The following PTPRT variants were observed in gnomAD, a reference collection of about 807,000 sequenced individuals.
PTPRT encodes protein tyrosine phosphatase receptor type T.
Under a neutral mutation model 176.8 loss-of-function variants are expected in PTPRT, and 56 were observed. The observed-to-expected ratio is 0.32, with a 90% CI of 0.26 to 0.40. PTPRT has a LOEUF of 0.40. Ranked by LOEUF, PTPRT falls within the 10% of genes least tolerant of loss-of-function variation. PTPRT has a pLI of 1.00. For synonymous variants in PTPRT, 783 were observed against 739.0 expected, an observed-to-expected ratio of 1.06 and a Z score of -0.96; for missense variants, 1,540 against 1,908.2, an observed-to-expected ratio of 0.81 and a Z score of 3.60.
At chr20:42,212,430 A>G (rs1426355730) in intron 15 of PTPRT, among the ~76,000 whole-genome samples, 2 of 151,500 alleles carry the variant, frequency 1.3e-5, no homozygotes, top group South Asian at 2.1e-4. Flanking sequence ...AAAAAAAAAA[A>G]AAAAAAAGAA....
intron 12 of PTPRT, among the ~76,000 whole-genome samples, chr20:42,297,797 T>C (rs2057409709): frequency 6.6e-6 from 1 of 152,168 alleles, no homozygotes; most frequent in African/African-American, 2.4e-5. Flanking sequence ...TACATGTTGC[T>C]AAGACAACTA....
chr20:42,700,384 G>A (rs749239023), intron 6 of PTPRT, among the ~76,000 whole-genome samples: 2 of 152,006 alleles, frequency 1.3e-5, no homozygotes, highest in Non-Finnish European at 2.9e-5. Flanking sequence ...CAAGCTGTGT[G>A]GTATAAAAGG....
intron 7 of PTPRT, among the ~76,000 whole-genome samples, chr20:42,640,875 C>G (rs547400793): frequency 6.6e-6 from 1 of 152,084 alleles, no homozygotes; most frequent in East Asian, 1.9e-4. Flanking sequence ...GATTGTTCCT[C>G]GGGCCCCACC....
intron 15 of PTPRT, among the ~76,000 whole-genome samples, chr20:42,200,575 T>C (rs1991409014): frequency 6.6e-6 from 1 of 152,228 alleles, no homozygotes; most frequent in African/African-American, 2.4e-5. Context: ...TTCTTTTCTA[T>C]GGATTTAAAA....
intron 13 of PTPRT, chr20:42,270,445 C>T (rs2056914556): frequency 3.9e-6 from 6 of 1,551,168 alleles, no homozygotes; most frequent in African/African-American, 1.4e-5. Flanking sequence ...TGGGCGCTGC[C>T]CATTGGTGCT....
chr20:42,483,436 A>G (rs944765294), intron 7 of PTPRT, among the ~76,000 whole-genome samples: 2 of 152,212 alleles, frequency 1.3e-5, no homozygotes, highest in Non-Finnish European at 2.9e-5. Context: ...AATAACTGGG[A>G]TTACAGGTAT....
chr20:42,903,983 A>G (rs2079441674), intron 1 of PTPRT, among the ~76,000 whole-genome samples: 1 of 152,170 alleles, frequency 6.6e-6, no homozygotes, highest in Non-Finnish European at 1.5e-5. Context: ...CTCTCCTAGC[A>G]ATTACAGGAA....
chr20:42,977,987 T>A (rs1023531860), intron 1 of PTPRT, among the ~76,000 whole-genome samples: 1 of 152,082 alleles, frequency 6.6e-6, no homozygotes, highest in Non-Finnish European at 1.5e-5. Flanking sequence ...GTACCCAACC[T>A]TATACATACT....
At chr20:42,858,588 T>C (rs547385657) in intron 2 of PTPRT, among the ~76,000 whole-genome samples, 2 of 152,296 alleles carry the variant, frequency 1.3e-5, no homozygotes, top group South Asian at 4.1e-4. Context: ...TTCCATCACA[T>C]GAGGACACAA....
rs1051281070 is a variant in PTPRT, at chr20:42,075,820, A to G, written c.*5059T>C. On this transcript the variant is annotated 3_prime_UTR_variant, in exon 31 of 31. Transcript: ENST00000373187. ...AATGGGGAGTGGAGGATGAATAAAC[A>G]TGATGGGTCAGAGGGAAATGCATCA... 4.4e-5 allele frequency: 9 copies of G among 204,358 alleles called. No homozygotes were observed. Among genetic ancestry groups the G allele is most frequent in the Non-Finnish European group, 9.0e-5 (9 of 99,704 alleles). The allele number at this position is 204,358 out of a possible 1,614,324, so 12.7% of individuals were successfully genotyped here. A position where few individuals can be genotyped will look rare whatever the true frequency, so the allele number is the denominator to read the frequency against.
chr20:42,226,420 G>A lies in PTPRT; in HGVS notation c.2342+9809C>T, dbSNP rs117100209. Among the ~76,000 whole-genome samples, 465 of 152,254 alleles carry A rather than the reference G, an allele frequency of 3.1e-3. 2 individuals carry two copies. Among genetic ancestry groups the A allele is most frequent in the Non-Finnish European group, 4.9e-3 (330 of 68,010 alleles). ...AGTCATCTATCTAATAATGACTTCC[G>A]AAATACCTCCAAGCTTAACTAGACA... On this transcript the variant is annotated intron_variant, in intron 15 of 30. Coordinates refer to ENST00000373187, the MANE Select transcript of PTPRT (RefSeq NM_007050.6).
chr20:43,160,019 A>G (rs1011027465), intron 1 of PTPRT, among the ~76,000 whole-genome samples: 6 of 151,908 alleles, frequency 3.9e-5, no homozygotes, highest in African/African-American at 1.5e-4. Context: ...AAAAAAAAGA[A>G]AGAAAAAGAA....
intron 17 of PTPRT, among the ~76,000 whole-genome samples, chr20:42,154,628 C>G (rs558142857): frequency 6.6e-6 from 1 of 152,202 alleles, no homozygotes; most frequent in African/African-American, 2.4e-5. Flanking sequence ...TTCATTATGG[C>G]GACAGCCTGT....
intron 9 of PTPRT, among the ~76,000 whole-genome samples, chr20:42,420,271 C>T (rs565680232): frequency 1.1e-4 from 17 of 152,218 alleles, no homozygotes; most frequent in Admixed American, 5.9e-4. Context: ...GGCCTGAATA[C>T]GACTGTCCAA....
intron 1 of PTPRT, among the ~76,000 whole-genome samples, chr20:42,904,757 A>G (rs569803892): frequency 6.6e-6 from 1 of 152,254 alleles, no homozygotes; most frequent in African/African-American, 2.4e-5. Flanking sequence ...TCCAGAAATA[A>G]CACCACACAT....
intron 7 of PTPRT, among the ~76,000 whole-genome samples, chr20:42,481,180 TA>T: frequency 6.6e-6 from 1 of 152,294 alleles, no homozygotes; most frequent in Admixed American, 6.5e-5. Context: ...TGAGTTTCAA[TA>T]AATGTTTATT....
chr20:42,191,238 C>G (rs1019507897), intron 16 of PTPRT, among the ~76,000 whole-genome samples: 4 of 151,644 alleles, frequency 2.6e-5, no homozygotes, highest in Non-Finnish European at 5.9e-5. Context: ...AGAAACAGAA[C>G]AGACAAAATG....
intron 7 of PTPRT, among the ~76,000 whole-genome samples, chr20:42,481,890 G>A (rs147704353): frequency 6.6e-6 from 1 of 152,096 alleles, no homozygotes; most frequent in African/African-American, 2.4e-5. Context: ...TTTCTCTGAG[G>A]TATGGGTTCT....
Position 42,945,067 on chromosome 20 carries a change from CTATAT to C in PTPRT, c.89-59140_89-59136del, listed in dbSNP as rs553358011. Among the ~76,000 whole-genome samples, 13 of 147,480 alleles carry C rather than the reference CTATAT, an allele frequency of 8.8e-5. No individual in the cohort carries two copies. In the South Asian group the frequency reaches 1.9e-3, roughly 22 times the overall value. On this transcript the variant is annotated intron_variant, in intron 1 of 30. Transcript: ENST00000373187. The stretch of plus-strand genomic sequence containing the variant: ...GTGTGTTATATAGTATTTATATATA[CTATAT>C]ATTATAAAATATGTAATATTTATAT...
Sources: allele counts gnomAD v4.1 joint callset (sites outside exome capture counted in the v4.1 genomes callset), GRCh38; gene constraint gnomAD v4.1.1; transcripts MANE v1.5; gene names NCBI Gene and HGNC (gene_info 2026-07-23, HGNC 2026-07-21).